LETM1: variants seen among roughly 807,000 people sequenced by gnomAD.
LETM1 encodes the protein leucine zipper and EF-hand containing transmembrane protein 1, also known as mitochondrial proton/calcium exchanger protein.
LETM1 carries 50 observed loss-of-function variants against 74.5 expected under a neutral mutation model. The observed-to-expected ratio is 0.67, with a 90% CI of 0.53 to 0.85. The LOEUF (loss-of-function observed/expected upper bound fraction) is 0.85. Ranked by LOEUF, LETM1 falls within the 40% of genes least tolerant of loss-of-function variation. The pLI is 0.00. For synonymous variants in LETM1, 446 were observed against 407.1 expected (o/e 1.10, Z -1.15); for missense variants, 824 against 967.8 (o/e 0.85, Z 1.97).
intron 7 of LETM1, among the ~76,000 whole-genome samples, chr4:1,825,140 C>G (rs1437605843): frequency 6.6e-6 from 1 of 152,204 alleles, no homozygotes; most frequent in Non-Finnish European, 1.5e-5. Context: ...CAGCACAGGG[C>G]GTGGCCAAGA....
intron 2 of LETM1, among the ~76,000 whole-genome samples, chr4:1,844,041 G>A (rs987492617): frequency 2.0e-5 from 3 of 152,206 alleles, no homozygotes; most frequent in Admixed American, 6.5e-5. Flanking sequence ...CAAGGACGAT[G>A]GTGGCTTCCA....
At chr4:1,823,516 G>T in intron 8 of LETM1, 128 bp downstream of exon 8, 1 of 1,159,872 alleles carries the variant, frequency 8.6e-7, no homozygotes, top group Non-Finnish European at 1.2e-6. Context: ...GGGCACTCGC[G>T]AGGGGGTGGG....
In LETM1 at chr4:1,814,098, G is replaced by A; in HGVS notation, c.*326C>T. ...CATTCTCTTCCCTGGGGACAGGGCAGCACAGTCAGATGCTGAGACTGAGGC... is the reference window on the plus strand; with the variant it reads ...CATTCTCTTCCCTGGGGACAGGGCAACACAGTCAGATGCTGAGACTGAGGC... On this transcript the variant is annotated 3_prime_UTR_variant, in exon 14 of 14. Coordinates refer to ENST00000302787, the MANE Select transcript of LETM1 (RefSeq NM_012318.3). 3 of 367,812 alleles carry A rather than the reference G, an allele frequency of 8.2e-6. No individual in the cohort carries two copies. The highest frequency in any genetic ancestry group is 1.6e-5 in the Non-Finnish European group (3 of 192,496). 22.8% of individuals were successfully genotyped at this position (367,812 alleles called of 1,614,324 possible). A position where few individuals can be genotyped will look rare whatever the true frequency, so the allele number is the denominator to read the frequency against.
intron 7 of LETM1, among the ~76,000 whole-genome samples, chr4:1,824,967 G>A (rs1255709155): frequency 6.6e-6 from 1 of 152,256 alleles, no homozygotes; most frequent in African/African-American, 2.4e-5. Context: ...GAAAAACCCG[G>A]GAGGAGGATG....
At chr4:1,827,958 C>T (rs1349917811) in intron 6 of LETM1, among the ~76,000 whole-genome samples, 9 of 147,502 alleles carry the variant, frequency 6.1e-5, no homozygotes, top group African/African-American at 2.3e-4. Context: ...GGCGGCTGGC[C>T]GGGCAGAGGG....
chr4:1,813,840 G>C lies in LETM1; in HGVS notation c.*584C>G, dbSNP rs1254963420. The stretch of plus-strand genomic sequence containing the variant: ...CGTGAGAACCAGCACTCCCAGCAGG[G>C]AGACGTCACTCTCCAGAGGCCACAG... On this transcript the variant is annotated 3_prime_UTR_variant, in exon 14 of 14. Transcript: ENST00000302787. 1 of 154,730 alleles carries C rather than the reference G, an allele frequency of 6.5e-6. No individual in the cohort carries two copies. Among genetic ancestry groups the C allele is most frequent in the Admixed American group, 6.3e-5 (1 of 15,970 alleles). The allele number at this position is 154,730 out of a possible 1,614,324, so 9.6% of individuals were successfully genotyped here.
intron 2 of LETM1, 63 bp downstream of exon 2, chr4:1,849,086 T>C: frequency 8.9e-7 from 1 of 1,125,572 alleles, no homozygotes; most frequent in Non-Finnish European, 1.4e-6. Flanking sequence ...CACTCGTGAC[T>C]CTCCACCATT....
At chr4:1,815,046 A>G (rs952867307) in intron 13 of LETM1, among the ~76,000 whole-genome samples, 18 of 152,224 alleles carry the variant, frequency 1.2e-4, no homozygotes, top group African/African-American at 4.1e-4. Flanking sequence ...AACCTGATGC[A>G]TGCACCGGGA....
intron 6 of LETM1, among the ~76,000 whole-genome samples, chr4:1,831,919 G>A (rs1392265092): frequency 6.6e-6 from 1 of 152,246 alleles, no homozygotes; most frequent in Non-Finnish European, 1.5e-5. Flanking sequence ...TAATCAATGT[G>A]AACTAGAGTT....
intron 5 of LETM1, chr4:1,833,537 C>T (rs750452636): frequency 2.4e-4 from 38 of 161,092 alleles, no homozygotes; most frequent in Non-Finnish European, 4.1e-4. Context: ...GGAAGAGGTG[C>T]ACCTGTGTGC....
At chr4:1,830,790 T>C (rs1712238200) in intron 6 of LETM1, among the ~76,000 whole-genome samples, 1 of 152,196 alleles carries the variant, frequency 6.6e-6, no homozygotes, top group African/African-American at 2.4e-5. Context: ...CTAACTGTCA[T>C]CTCAGGGTTG....
intron 3 of LETM1, chr4:1,839,393 G>C (rs1435477197): frequency 6.6e-6 from 1 of 152,406 alleles, no homozygotes; most frequent in African/African-American, 2.4e-5. Context: ...TGCAGATGCA[G>C]ACCCCTCCCA....
intron 9 of LETM1, 160 bp from the exon 10 acceptor site, chr4:1,822,472 A>T (rs1452570549): frequency 5.1e-6 from 4 of 791,826 alleles, no homozygotes; most frequent in Non-Finnish European, 6.9e-6. Context: ...GGGAGGCTCC[A>T]TGCAGCTGCC....
intron 1 of LETM1, among the ~76,000 whole-genome samples, chr4:1,855,345 C>T (rs937637769): frequency 6.6e-6 from 1 of 152,192 alleles, no homozygotes; most frequent in African/African-American, 2.4e-5. Context: ...TCAGCGGCTC[C>T]GGAGTCCCCG....
chr4:1,849,170 G>T lies in LETM1; in HGVS notation c.122C>A (p.Thr41Asn). Reference protein sequence around the residue: ...GDPAHLSCASTLGLRNCLNVP... With the variant: ...GDPAHLSCASNLGLRNCLNVP... Reference sequence around the variant, plus strand: ...TCACAGGCAGTTCCTCAACCCCAGGGTGCTGGCACAGCTGAGATGAGCAGG... The same window carrying T: ...TCACAGGCAGTTCCTCAACCCCAGGTTGCTGGCACAGCTGAGATGAGCAGG... Residue 41 changes from threonine to asparagine, a missense_variant, in exon 2 of 14, where the codon ACC (threonine) becomes AAC (asparagine). By Grantham distance (65) the Thr-to-Asn change is moderately conservative (BLOSUM62 0). Coordinates refer to ENST00000302787, the MANE Select transcript of LETM1 (RefSeq NM_012318.3). The T allele has an allele frequency of 6.2e-7, 1 of 1,613,366 alleles. No individual in the cohort carries two copies. The highest frequency in any genetic ancestry group is 1.1e-5 in the South Asian group (1 of 91,066).
intron 11 of LETM1, 43 bp from the exon 12 acceptor site, chr4:1,816,957 A>G (rs1276706163): frequency 6.4e-7 from 1 of 1,550,684 alleles, no homozygotes; most frequent in Non-Finnish European, 8.9e-7. Context: ...TCTTAAAAGA[A>G]AAAGGGGGTC....
At chr4:1,815,523 A>G in intron 13 of LETM1, 141 bp downstream of exon 13, 4 of 741,464 alleles carry the variant, frequency 5.4e-6, no homozygotes. Flanking sequence ...TTAAAGGAGC[A>G]GTCGCAGTGA....
chr4:1,834,638 G>A lies in LETM1; in HGVS notation c.876+207C>T. On this transcript the variant is annotated intron_variant, in intron 5 of 13. Coordinates refer to ENST00000302787, the MANE Select transcript of LETM1 (RefSeq NM_012318.3). This position sits in a 1 kb window ranked among gnomAD's most constrained non-coding sequence, Gnocchi z 5.0. The stretch of plus-strand genomic sequence containing the variant: ...GCCCATAATTCTGAAGGCTGACGAG[G>A]CGCAGCCACCACAGCTTAACTCACT... 7.1e-7 allele frequency: 1 copy of A among 1,399,432 alleles called. No homozygotes were observed. The highest frequency in any genetic ancestry group is 9.3e-7 in the Non-Finnish European group (1 of 1,079,128). 86.7% of individuals were successfully genotyped at this position (1,399,432 alleles called of 1,614,324 possible).
intron 12 of LETM1, 23 bp downstream of exon 12, chr4:1,816,704 C>T (rs748901927): frequency 1.2e-6 from 2 of 1,608,076 alleles, no homozygotes; most frequent in Non-Finnish European, 1.7e-6. Flanking sequence ...CGATCCCTCT[C>T]CCGCGCCCAC....
Sources: gnomAD v4.1 joint callset for allele counts (sites outside exome capture counted in the v4.1 genomes callset) on GRCh38, gnomAD v4.1.1 for gene constraint, Gnocchi (gnomAD v3.1) non-coding constraint, MANE v1.5 for transcripts, NCBI Gene and HGNC (gene_info 2026-07-23, HGNC 2026-07-21) for gene names.